NIN: variants seen among roughly 807,000 people sequenced by gnomAD.
NIN encodes the protein glycogen synthase kinase 3 beta-interacting protein.
A neutral mutation model predicts 257.6 loss-of-function variants in NIN; 137 were observed. The observed-to-expected ratio is 0.53, with a 90% CI of 0.46 to 0.61. The LOEUF (loss-of-function observed/expected upper bound fraction) is 0.61, where lower values mean the gene tolerates loss of function less well. Ranked by LOEUF, NIN falls within the 20% of genes least tolerant of loss-of-function variation. The pLI is 0.00. For missense variants in NIN, 2,439 were observed against 2,501.2 expected, an observed-to-expected ratio of 0.98 and a Z score of 0.53; for synonymous variants, 918 against 919.8, an observed-to-expected ratio of 1.00 and a Z score of 0.04.
At chr14:50,734,906 G>T (rs1261087812) in intron 28 of NIN, among the ~76,000 whole-genome samples, 1 of 143,180 alleles carries the variant, frequency 7.0e-6, no homozygotes, top group Non-Finnish European at 1.5e-5. Context: ...GGCTGGTCTT[G>T]AACTTCTGGA....
chr14:50,774,658 T>C (rs938819929), intron 7 of NIN, among the ~76,000 whole-genome samples: 2 of 152,222 alleles, frequency 1.3e-5, no homozygotes, highest in Non-Finnish European at 2.9e-5. Context: ...AGTCCAGGTG[T>C]GTTGACTGAA....
chr14:50,829,980 C>T (rs1034077859), intron 2 of NIN, among the ~76,000 whole-genome samples: 5 of 152,354 alleles, frequency 3.3e-5, no homozygotes, highest in Middle Eastern at 6.8e-3. Flanking sequence ...CTTTCCCCTT[C>T]TCCTGGGCAT....
intron 25 of NIN, among the ~76,000 whole-genome samples, chr14:50,740,403 C>T (rs1305191283): frequency 6.6e-6 from 1 of 151,558 alleles, no homozygotes; most frequent in Non-Finnish European, 1.5e-5. Context: ...GGCTGGAGTG[C>T]AGTGGCACGA....
chr14:50,760,504 G>A, intron 16 of NIN, 145 bp from the exon 17 acceptor site: 1 of 853,470 alleles, frequency 1.2e-6, no homozygotes, highest in Non-Finnish European at 1.7e-6. Flanking sequence ...TAAAGTAACT[G>A]AATTCAACAC....
intron 5 of NIN, among the ~76,000 whole-genome samples, chr14:50,781,741 G>A (rs2043142550): frequency 6.6e-6 from 1 of 152,228 alleles, no homozygotes; most frequent in Admixed American, 6.5e-5. Context: ...GAACAAGGTA[G>A]TGCATATTTC....
In NIN at chr14:50,817,785, G is replaced by A. The variant is rs554447817; in HGVS notation, c.183+4089C>T. Among the ~76,000 whole-genome samples the A allele has an allele frequency of 2.6e-5, 4 of 152,170 alleles. No homozygotes were observed. In the South Asian group the frequency reaches 8.3e-4, roughly 32 times the overall value. On this transcript the variant is annotated intron_variant, in intron 3 of 30. Coordinates refer to ENST00000530997, the MANE Select transcript of NIN (RefSeq NM_020921.4). ...GGCTGGAGTACAATGGCGTGATCTC[G>A]GCCCACTGCAACCTTTGTCTCCCGA...
chr14:50,791,807 G>GCACACACAAACACAAA (rs57083345), intron 5 of NIN, among the ~76,000 whole-genome samples: 41 of 116,772 alleles, frequency 3.5e-4, no homozygotes, highest in South Asian at 2.7e-3. Context: ...AGGTGCACGC[G>GCACACACAAACACAAA]CACACACACA....
chr14:50,772,138 T>C (rs2042761256), intron 9 of NIN, 163 bp downstream of exon 9: 2 of 592,118 alleles, frequency 3.4e-6, no homozygotes, highest in African/African-American at 1.8e-5. Context: ...AAAAGGCTCC[T>C]GGTTAAAAGG....
intron 3 of NIN, among the ~76,000 whole-genome samples, chr14:50,808,382 G>A (rs928419545): frequency 4.6e-5 from 7 of 152,180 alleles, no homozygotes; most frequent in African/African-American, 1.7e-4. Flanking sequence ...CACTTGACGG[G>A]CATCTGTGAA....
chr14:50,747,649 G>A (rs2041606199), intron 22 of NIN, among the ~76,000 whole-genome samples: 1 of 151,740 alleles, frequency 6.6e-6, no homozygotes, highest in African/African-American at 2.4e-5. Flanking sequence ...CATGAGAATT[G>A]CTTGAGCCTG....
chr14:50,760,979 ATACTT>A (rs2042252993), intron 16 of NIN, among the ~76,000 whole-genome samples: 1 of 152,200 alleles, frequency 6.6e-6, no homozygotes, highest in African/African-American at 2.4e-5. Context: ...GGGTCTTAAA[ATACTT>A]AATTAAATTC....
At position 50,744,365 on chromosome 14, in the gene NIN, G is replaced by A; in HGVS notation, c.5065C>T (p.Leu1689=). ...TCAGAGAGATCGGGACATCTGTGCA[G>A]CTGTAAGAGATAAACAAATGAGCCC... The part of the protein sequence containing the change: ...LKDELEKMKQ[L]HRCPDLSDFQ... The change falls in exon 23 of 31, where the codon CTG becomes TTG. Residue 1689 remains leucine, a splice_region_variant and synonymous_variant. Transcript: ENST00000530997. 1.9e-6 allele frequency: 3 copies of A among 1,613,610 alleles called. No individual in the cohort carries two copies. Among genetic ancestry groups the A allele is most frequent in the African/African-American group, 2.7e-5 (2 of 75,002 alleles).
chr14:50,772,911 T>G, intron 8 of NIN, 38 bp downstream of exon 8: 1 of 1,578,522 alleles, frequency 6.3e-7, no homozygotes, highest in South Asian at 1.2e-5. Context: ...GGGTTCTAAC[T>G]TTTATTCACA....
chr14:50,771,265 G>GGATGCCTTGGATGGA, intron 10 of NIN, 67 bp downstream of exon 10: 1 of 1,551,224 alleles, frequency 6.4e-7, no homozygotes, highest in Non-Finnish European at 8.8e-7. Context: ...TCCATCCAAG[G>GGATGCCTTGGATGGA]CATCCGAATG....
chr14:50,728,736 A>C (rs1326668910), intron 29 of NIN, among the ~76,000 whole-genome samples: 1 of 152,262 alleles, frequency 6.6e-6, no homozygotes, highest in African/African-American at 2.4e-5. Context: ...CTTCTGAGAA[A>C]GGATGATGAA....
chr14:50,815,103 C>T (rs1378251739), intron 3 of NIN, among the ~76,000 whole-genome samples: 1 of 152,168 alleles, frequency 6.6e-6, no homozygotes, highest in East Asian at 1.9e-4. Flanking sequence ...AGTGAACAGA[C>T]AACCTACAGA....
At chr14:50,733,098 AT>A (rs58161755) in intron 28 of NIN, among the ~76,000 whole-genome samples, 81,678 of 147,230 alleles carry the variant, frequency 0.55, 22,901 homozygotes, top group African/African-American at 0.67. Flanking sequence ...AGCATTAATA[AT>A]TTTTTTTTTT....
At chr14:50,777,202 T>C (rs959553611) in intron 6 of NIN, 63 bp from the exon 7 acceptor site, 12 of 1,280,616 alleles carry the variant, frequency 9.4e-6, no homozygotes, top group Non-Finnish European at 1.3e-5. Context: ...TGCCTATTCT[T>C]AAAGAAAACT....
At chr14:50,802,130 C>G (rs142239138) in intron 4 of NIN, among the ~76,000 whole-genome samples, 1 of 152,222 alleles carries the variant, frequency 6.6e-6, no homozygotes, top group African/African-American at 2.4e-5. Context: ...CTCTCCTATT[C>G]CAGAAAAATA....
Sources: allele counts gnomAD v4.1 joint callset (sites outside exome capture counted in the v4.1 genomes callset), GRCh38; gene constraint gnomAD v4.1.1; transcripts MANE v1.5; gene names NCBI Gene and HGNC (gene_info 2026-07-23, HGNC 2026-07-21).